MYO16: variants seen among roughly 807,000 people sequenced by gnomAD.
The protein encoded by MYO16 is unconventional myosin-XVI.
MYO16 carries 94 observed loss-of-function variants against 205.3 expected under a neutral mutation model. That is an observed-to-expected ratio of 0.46 (90% CI 0.39 to 0.54). MYO16 has a LOEUF of 0.54. Among genes scored for constraint, MYO16 ranks in the 20% least tolerant of loss-of-function variants. The pLI, the probability that MYO16 is intolerant of heterozygous loss-of-function variation, is 0.00. For synonymous variants in MYO16, 988 were observed against 954.0 expected (o/e 1.04, Z -0.66); for missense variants, 2,315 against 2,387.5 (o/e 0.97, Z 0.63).
At chr13:109,065,518 G>T (rs1332667292) in intron 27 of MYO16, 2 of 426,522 alleles carry the variant, frequency 4.7e-6, no homozygotes, top group Admixed American at 3.1e-5. Flanking sequence ...GTAATAGGAG[G>T]CCATGCTGAA....
intron 3 of MYO16, among the ~76,000 whole-genome samples, chr13:108,714,300 C>T (rs971111975): frequency 6.6e-6 from 1 of 152,166 alleles, no homozygotes; most frequent in African/African-American, 2.4e-5. Context: ...CGTGATCCAC[C>T]CGCCTTGGCC....
chr13:108,827,783 G>A (rs1876358762), intron 9 of MYO16, among the ~76,000 whole-genome samples: 1 of 152,110 alleles, frequency 6.6e-6, no homozygotes, highest in Admixed American at 6.6e-5. Flanking sequence ...TGCCTCACTT[G>A]CTGTTATTGC....
At chr13:108,630,607 A>G (rs1014282449) in intron 1 of MYO16, among the ~76,000 whole-genome samples, 1 of 152,206 alleles carries the variant, frequency 6.6e-6, no homozygotes, top group African/African-American at 2.4e-5. Context: ...CTGGATATAC[A>G]TTTTTGTCCC....
chr13:108,939,873 TACAC>T (rs1882650031), intron 16 of MYO16, among the ~76,000 whole-genome samples: 1 of 152,160 alleles, frequency 6.6e-6, no homozygotes, highest in Admixed American at 6.5e-5. Flanking sequence ...TATGTATATA[TACAC>T]ACACACTTCA....
chr13:109,178,661 T>C (rs538527846), intron 33 of MYO16, among the ~76,000 whole-genome samples: 40 of 152,270 alleles, frequency 2.6e-4, no homozygotes, highest in African/African-American at 9.6e-4. Flanking sequence ...ATTGCGCCTG[T>C]ATCACAGTGA....
In MYO16 at chr13:109,125,876, G is replaced by T. The variant is rs1244295178; in HGVS notation, c.3782+518G>T. ...TCTTTACCAATAAAGCAAGCTTTGG[G>T]GAAAGCTTTGTATTTAAAAGTTCAC... On this transcript the variant is annotated intron_variant, in intron 30 of 34. Transcript: ENST00000457511. This position sits in a 1 kb window ranked among gnomAD's most constrained non-coding sequence, Gnocchi z 4.0. 1.3e-5 allele frequency among the ~76,000 whole-genome samples: 2 copies of T among 152,122 alleles called. No homozygotes were observed. The highest frequency in any genetic ancestry group is 2.9e-5 in the Non-Finnish European group (2 of 68,026).
At chr13:109,184,105 ATTTAG>A (rs1879572629) in intron 34 of MYO16, among the ~76,000 whole-genome samples, 4 of 152,344 alleles carry the variant, frequency 2.6e-5, no homozygotes, top group East Asian at 1.9e-4. Flanking sequence ...ATGTGGAAAT[ATTTAG>A]TTTAATCATT....
At chr13:108,748,597 C>T (rs1885134886) in intron 4 of MYO16, among the ~76,000 whole-genome samples, 1 of 152,040 alleles carries the variant, frequency 6.6e-6, no homozygotes, top group African/African-American at 2.4e-5. Context: ...CTACAGTAAT[C>T]AACACAGGTT....
At chr13:108,562,551 A>G in the MYO16 span, among the ~76,000 whole-genome samples, 1 of 152,122 alleles carries the variant, frequency 6.6e-6, no homozygotes, top group Non-Finnish European at 1.5e-5. Context: ...GAAACTTACT[A>G]TGCAAACTGC....
At chr13:109,092,893 C>A (rs1888665319) in intron 27 of MYO16, among the ~76,000 whole-genome samples, 1 of 152,152 alleles carries the variant, frequency 6.6e-6, no homozygotes, top group African/African-American at 2.4e-5. Context: ...GTTCTTTACA[C>A]CTTTTACTAG....
intron 6 of MYO16, among the ~76,000 whole-genome samples, chr13:108,798,710 T>A (rs1000672127): frequency 5.3e-5 from 7 of 131,480 alleles, no homozygotes; most frequent in Admixed American, 2.3e-4. Context: ...TTTTTTTTTT[T>A]TTTTTTGAGA....
intron 4 of MYO16, among the ~76,000 whole-genome samples, chr13:108,770,844 C>T (rs1273012163): frequency 1.3e-5 from 2 of 152,156 alleles, no homozygotes; most frequent in Admixed American, 1.3e-4. Flanking sequence ...CAGCCCCTAC[C>T]TAGACAACAA....
intron 23 of MYO16, among the ~76,000 whole-genome samples, chr13:109,040,360 A>G (rs1046164343): frequency 5.8e-5 from 7 of 119,976 alleles, no homozygotes; most frequent in African/African-American, 2.2e-4. Context: ...AGACAGTAGC[A>G]TACACACACA....
At chr13:108,731,260 C>T (rs1377246513) in intron 4 of MYO16, among the ~76,000 whole-genome samples, 1 of 152,194 alleles carries the variant, frequency 6.6e-6, no homozygotes, top group African/African-American at 2.4e-5. Flanking sequence ...TTGATAGATG[C>T]TTAGTGTATG....
intron 29 of MYO16, among the ~76,000 whole-genome samples, chr13:109,121,621 G>T (rs147164463): frequency 2.6e-5 from 4 of 152,306 alleles, no homozygotes; most frequent in African/African-American, 9.6e-5. Context: ...ACTCTTAGAT[G>T]GCTTCCTAGG....
the MYO16 span, among the ~76,000 whole-genome samples, chr13:108,500,211 TTTTTTTTTTG>T: frequency 1.6e-4 from 2 of 12,226 alleles, no homozygotes; most frequent in African/African-American, 1.1e-4. Flanking sequence ...TTCCTGTTTT[TTTTTTTTTTG>T]TTTTTTTTTT....
intron 21 of MYO16, among the ~76,000 whole-genome samples, chr13:109,001,144 T>C (rs1885197316): frequency 6.6e-6 from 1 of 151,002 alleles, no homozygotes; most frequent in Non-Finnish European, 1.5e-5. Context: ...GGAAAGATGA[T>C]TGATTCCTTT....
At chr13:109,047,338 T>A (rs1342035791) in intron 24 of MYO16, among the ~76,000 whole-genome samples, 1 of 152,122 alleles carries the variant, frequency 6.6e-6, no homozygotes, top group Non-Finnish European at 1.5e-5. Flanking sequence ...CAGGGAGAAT[T>A]TCATTACTTA....
chr13:109,000,257 G>A (rs1242009251), intron 21 of MYO16, among the ~76,000 whole-genome samples: 1 of 152,116 alleles, frequency 6.6e-6, no homozygotes, highest in Admixed American at 6.5e-5. Context: ...GCTAATAATT[G>A]ATAATGGCTA....
Sources: allele counts gnomAD v4.1 joint callset (sites outside exome capture counted in the v4.1 genomes callset), GRCh38; gene constraint gnomAD v4.1.1; non-coding constraint Gnocchi (gnomAD v3.1); transcripts MANE v1.5; gene names NCBI Gene and HGNC (gene_info 2026-07-23, HGNC 2026-07-21).